Variants in NHSL1 observed in about 807,000 individuals in gnomAD.
NHSL1 encodes the protein NHS like 1.
A neutral mutation model predicts 95.0 loss-of-function variants in NHSL1; 48 were observed. The ratio of observed to expected loss-of-function variants is 0.51; its 90% CI spans 0.40 to 0.64. The LOEUF is 0.64. Ranked by LOEUF, NHSL1 falls within the 30% of genes least tolerant of loss-of-function variation. NHSL1 has a pLI of 0.00. For synonymous variants in NHSL1, 783 were observed against 833.9 expected (o/e 0.94, Z 1.05); for missense variants, 1,971 against 2,077.7 (o/e 0.95, Z 1.00).
intron 2 of NHSL1, 34 bp downstream of exon 2, chr6:138,496,185 C>A: frequency 8.4e-6 from 13 of 1,549,578 alleles, no homozygotes; most frequent in Non-Finnish European, 1.0e-5. Flanking sequence ...GCCAGTAACC[C>A]AAGAAAATAA....
intron 3 of NHSL1, among the ~76,000 whole-genome samples, chr6:138,454,560 T>C (rs976979352): frequency 6.6e-6 from 1 of 152,128 alleles, no homozygotes; most frequent in Admixed American, 6.5e-5. Context: ...TGGTTTTGCT[T>C]TTAGGGGTGA....
At chr6:138,628,231 G>C (rs1784770549) in intron 1 of NHSL1, among the ~76,000 whole-genome samples, 1 of 149,096 alleles carries the variant, frequency 6.7e-6, no homozygotes, top group Admixed American at 6.6e-5. Context: ...AGAATTGCTT[G>C]AACCTGGGAA....
At chr6:138,627,662 T>C (rs940804945) in intron 1 of NHSL1, among the ~76,000 whole-genome samples, 1 of 152,064 alleles carries the variant, frequency 6.6e-6, no homozygotes, top group African/African-American at 2.4e-5. Context: ...GGCAGGTGGA[T>C]CACGAGGTCA....
At position 138,595,952 on chromosome 6, in the gene NHSL1, G is replaced by A. The variant is rs73564383; in HGVS notation, c.96+96524C>T. ...ATTATTAGCATGGTGGTGTTTCTGG[G>A]TCTCTTCCTCTCCAACACTGCCCTT... On this transcript the variant is annotated intron_variant, in intron 1 of 3. Coordinates refer to the NHSL1 transcript ENST00000491526. Among the ~76,000 whole-genome samples the A allele has an allele frequency of 4.8e-3, 730 of 152,172 alleles. 6 individuals carry two copies. The highest frequency in any genetic ancestry group is 0.017 in the African/African-American group (698 of 41,500).
At chr6:138,579,528 T>C (rs1335145690) in intron 1 of NHSL1, among the ~76,000 whole-genome samples, 1 of 152,246 alleles carries the variant, frequency 6.6e-6, no homozygotes, top group Non-Finnish European at 1.5e-5. Context: ...TATTAACTGA[T>C]AGGCGTATGC....
chr6:138,668,205 T>C (rs1785319294), intron 1 of NHSL1, among the ~76,000 whole-genome samples: 1 of 152,132 alleles, frequency 6.6e-6, no homozygotes, highest in Non-Finnish European at 1.5e-5. Flanking sequence ...CCCAGCAGTT[T>C]GGGAGGCCGA....
intron 1 of NHSL1, among the ~76,000 whole-genome samples, chr6:138,589,054 C>T (rs1240656565): frequency 6.6e-6 from 1 of 152,126 alleles, no homozygotes; most frequent in Non-Finnish European, 1.5e-5. Flanking sequence ...GGTGGGTGGA[C>T]CATCAGGGAG....
intron 3 of NHSL1, among the ~76,000 whole-genome samples, chr6:138,468,602 A>G (rs1778544079): frequency 6.6e-6 from 1 of 152,216 alleles, no homozygotes; most frequent in African/African-American, 2.4e-5. Flanking sequence ...ATGATCTGAC[A>G]TGGAACAGTT....
At chr6:138,562,667 C>CA (rs1336815307) in intron 1 of NHSL1, among the ~76,000 whole-genome samples, 3 of 151,856 alleles carry the variant, frequency 2.0e-5, no homozygotes, top group Non-Finnish European at 2.9e-5. Context: ...GTCTCACACA[C>CA]AAAAAAATAT....
At chr6:138,628,829 G>A (rs1784779260) in intron 1 of NHSL1, among the ~76,000 whole-genome samples, 1 of 152,208 alleles carries the variant, frequency 6.6e-6, no homozygotes, top group African/African-American at 2.4e-5. Flanking sequence ...AACCACGCTT[G>A]TTAGCAGAAA....
In NHSL1 at chr6:138,486,235, G is replaced by A. The variant is rs138040748; in HGVS notation, c.211+9984C>T. Among the ~76,000 whole-genome samples the A allele has an allele frequency of 1.8e-4, 28 of 151,970 alleles. No homozygotes were observed. The East Asian group carries it at 4.8e-3, about 26-fold the overall frequency. On this transcript the variant is annotated intron_variant, in intron 2 of 7. Transcript: ENST00000343505. Reference sequence around the variant, plus strand: ...AACATGTAATAATATCAGCTGTACCGTGCCACCACCTCAAAATACTATCCC... The same window carrying A: ...AACATGTAATAATATCAGCTGTACCATGCCACCACCTCAAAATACTATCCC...
At chr6:138,564,118 C>G (rs550317395) in intron 1 of NHSL1, among the ~76,000 whole-genome samples, 1 of 152,204 alleles carries the variant, frequency 6.6e-6, no homozygotes, top group Non-Finnish European at 1.5e-5. Flanking sequence ...TGTGAAGCAA[C>G]AGAAAACACC....
chr6:138,560,786 C>T (rs936900655), intron 1 of NHSL1, among the ~76,000 whole-genome samples: 3 of 152,190 alleles, frequency 2.0e-5, no homozygotes, highest in African/African-American at 7.2e-5. Context: ...GGAAGGAATG[C>T]TGGTTTATCT....
Position 138,424,228 on chromosome 6 carries a change from C to G in NHSL1, c.4674G>C (p.Glu1558Asp). 6.6e-7 allele frequency: 1 copy of G among 1,506,830 alleles called. No homozygotes were observed. The highest frequency in any genetic ancestry group is 8.9e-7 in the Non-Finnish European group (1 of 1,128,810). The allele number at this position is 1,506,830 out of a possible 1,614,324, so 93.3% of individuals were successfully genotyped here. The change falls in exon 8 of 8, where the codon GAG (glutamate) becomes GAC (aspartate). Residue 1558 changes from glutamate to aspartate, a missense_variant. Glu to Asp is a conservative substitution (Grantham distance 45). Coordinates refer to ENST00000343505, the MANE Select transcript of NHSL1 (RefSeq NM_001144060.2). The surrounding 1 kb of genome is among the most constrained non-coding windows in gnomAD (Gnocchi z 5.9). ...EGCSLDGLAR[E>D]EMDEGGLLCG... ...AGAGCAGGCCGCCCTCGTCCATCTC[C>G]TCCCTCGCCAGTCCGTCCAGGGAAC...
At chr6:138,612,096 C>A (rs1220232414) in intron 1 of NHSL1, among the ~76,000 whole-genome samples, 5 of 106,334 alleles carry the variant, frequency 4.7e-5, no homozygotes, top group East Asian at 2.8e-4. Context: ...AGCAACAGAG[C>A]AAGACTCCAT....
chr6:138,447,216 A>T, intron 3 of NHSL1, 23 bp from the exon 4 acceptor site: 1 of 1,533,690 alleles, frequency 6.5e-7, no homozygotes, highest in East Asian at 2.4e-5. Flanking sequence ...AAGAAGCAGC[A>T]GCCACAGTGT....
At chr6:138,592,784 T>C (rs568601202) in intron 1 of NHSL1, among the ~76,000 whole-genome samples, 35 of 152,150 alleles carry the variant, frequency 2.3e-4, no homozygotes, top group African/African-American at 7.7e-4. Flanking sequence ...TGAAACAGGG[T>C]GGCTAGGAGC....
chr6:138,535,641 G>T (rs1782309608), intron 1 of NHSL1, among the ~76,000 whole-genome samples: 1 of 152,100 alleles, frequency 6.6e-6, no homozygotes. Context: ...CAACTGGAAG[G>T]GTGGATTTGC....
rs1774966107 is a variant in NHSL1, at chr6:138,422,256, A to G, written c.*1825T>C. ...GATTTCATATTCAAAAGCCAATGCCACTTTTCTAAAGAAACGATCTTTGTG... is the reference window on the plus strand; with the variant it reads ...GATTTCATATTCAAAAGCCAATGCCGCTTTTCTAAAGAAACGATCTTTGTG... On this transcript the variant is annotated 3_prime_UTR_variant, in exon 8 of 8. Transcript: ENST00000343505. 6.6e-6 allele frequency: 1 copy of G among 152,238 alleles called. No homozygotes were observed. Among genetic ancestry groups the G allele is most frequent in the African/African-American group, 2.4e-5 (1 of 41,464 alleles). The allele number at this position is 152,238 out of a possible 1,614,324, so 9.4% of individuals were successfully genotyped here.
Sources: gnomAD v4.1 joint callset for allele counts (sites outside exome capture counted in the v4.1 genomes callset) on GRCh38, gnomAD v4.1.1 for gene constraint, Gnocchi (gnomAD v3.1) non-coding constraint, MANE v1.5 for transcripts, NCBI Gene and HGNC (gene_info 2026-07-23, HGNC 2026-07-21) for gene names.